UBE2E2: variants seen among roughly 807,000 people sequenced by gnomAD.
The protein encoded by UBE2E2 is ubiquitin-conjugating enzyme E2 E2.
UBE2E2 carries 6 observed loss-of-function variants against 24.7 expected under a neutral mutation model. The observed-to-expected ratio is 0.24, with a 90% confidence interval of 0.13 to 0.48. The LOEUF is 0.48. UBE2E2 is among the 20% of genes least tolerant of loss of function. The probability of loss-of-function intolerance (pLI) is 0.99; values close to 1 mark genes in which losing one functional copy is unlikely to be tolerated. For synonymous variants in UBE2E2, 104 were observed against 83.6 expected, an observed-to-expected ratio of 1.24 and a Z score of -1.33; for missense variants, 169 against 245.0, an observed-to-expected ratio of 0.69 and a Z score of 2.07.
intron 3 of UBE2E2, among the ~76,000 whole-genome samples, chr3:23,338,744 G>T (rs1478762744): frequency 1.3e-5 from 2 of 152,088 alleles, no homozygotes; most frequent in East Asian, 3.9e-4. Flanking sequence ...TATAATAATG[G>T]GCCATAACCC....
intron 3 of UBE2E2, among the ~76,000 whole-genome samples, chr3:23,321,404 G>A (rs750229967): frequency 4.6e-5 from 7 of 152,026 alleles, no homozygotes; most frequent in African/African-American, 1.7e-4. Flanking sequence ...TCCAACTCCC[G>A]GCATCTAGTA....
At chr3:23,502,329 G>A (rs1699742416) in intron 4 of UBE2E2, among the ~76,000 whole-genome samples, 3 of 151,666 alleles carry the variant, frequency 2.0e-5, no homozygotes, top group African/African-American at 7.3e-5. Context: ...GTGTCAGGGG[G>A]AATTACTTAT....
intron 3 of UBE2E2, among the ~76,000 whole-genome samples, chr3:23,402,461 C>G (rs975963349): frequency 6.6e-6 from 1 of 152,166 alleles, no homozygotes; most frequent in Non-Finnish European, 1.5e-5. Context: ...TTCCCAAAAA[C>G]TAGTACTAGA....
At chr3:23,553,844 A>G (rs1423745714) in intron 5 of UBE2E2, among the ~76,000 whole-genome samples, 1 of 152,188 alleles carries the variant, frequency 6.6e-6, no homozygotes, top group Non-Finnish European at 1.5e-5. Flanking sequence ...TTAACCAAGG[A>G]GATAAAAGAC....
intron 3 of UBE2E2, among the ~76,000 whole-genome samples, chr3:23,299,731 G>C (rs1393804647): frequency 6.6e-6 from 1 of 152,170 alleles, no homozygotes; most frequent in Non-Finnish European, 1.5e-5. Context: ...GAGTAGGTGT[G>C]GTGTGGTGCT....
At chr3:23,493,162 G>A (rs1699535419) in intron 3 of UBE2E2, among the ~76,000 whole-genome samples, 1 of 152,148 alleles carries the variant, frequency 6.6e-6, no homozygotes, top group Non-Finnish European at 1.5e-5. Context: ...CAAAGTCAGT[G>A]TTAAGTGAAA....
intron 4 of UBE2E2, among the ~76,000 whole-genome samples, chr3:23,521,383 G>C (rs984548966): frequency 2.6e-5 from 4 of 152,210 alleles, no homozygotes; most frequent in African/African-American, 9.7e-5. Context: ...TATCTCAGCT[G>C]TTGTGCTTCC....
chr3:23,295,659 C>G (rs892711755), intron 3 of UBE2E2, among the ~76,000 whole-genome samples: 8 of 152,112 alleles, frequency 5.3e-5, no homozygotes, highest in African/African-American at 1.9e-4. Context: ...AATACCTACA[C>G]GAGAGGGAGT....
intron 3 of UBE2E2, among the ~76,000 whole-genome samples, chr3:23,429,872 C>T (rs1698015896): frequency 6.6e-6 from 1 of 152,084 alleles, no homozygotes; most frequent in Non-Finnish European, 1.5e-5. Flanking sequence ...TATATACCAG[C>T]AACAAAAAAG....
At chr3:23,403,193 C>T (rs574698828) in intron 3 of UBE2E2, among the ~76,000 whole-genome samples, 1 of 152,326 alleles carries the variant, frequency 6.6e-6, no homozygotes, top group East Asian at 1.9e-4. Flanking sequence ...ACCACTAGTA[C>T]TTTGCAATAC....
chr3:23,328,885 C>T (rs761155714), intron 3 of UBE2E2, among the ~76,000 whole-genome samples: 2 of 152,120 alleles, frequency 1.3e-5, no homozygotes, highest in Non-Finnish European at 2.9e-5. Flanking sequence ...TGGTCTCGAA[C>T]GCCTGACCTC....
intron 3 of UBE2E2, among the ~76,000 whole-genome samples, chr3:23,233,175 T>C (rs1349513715): frequency 6.6e-6 from 1 of 152,070 alleles, no homozygotes; most frequent in African/African-American, 2.4e-5. Flanking sequence ...GTTTAGAAAA[T>C]GTGAGAAAGT....
intron 3 of UBE2E2, among the ~76,000 whole-genome samples, chr3:23,478,278 A>T (rs2125439784): frequency 6.6e-6 from 1 of 152,212 alleles, no homozygotes; most frequent in East Asian, 1.9e-4. Context: ...TAGACTGTAA[A>T]AGACAGGCAA....
At chr3:23,325,772 C>T (rs374807831) in intron 3 of UBE2E2, among the ~76,000 whole-genome samples, 4 of 152,198 alleles carry the variant, frequency 2.6e-5, no homozygotes, top group Non-Finnish European at 5.9e-5. Flanking sequence ...CACTGACCTT[C>T]GGTCTAGTAG....
At position 23,208,761 on chromosome 3, in the gene UBE2E2, G is replaced by A. The variant is rs1480523422; in HGVS notation, c.62G>A (p.Gly21Glu). The change falls in exon 2 of 6, where the codon GGA becomes GAA. Residue 21 changes from glycine to glutamate, a missense_variant. This residue lies in a region of UBE2E2 where 64 missense variants were observed against 64.3 expected (regional missense o/e 1.00). Transcript: ENST00000396703. Reference protein sequence around the residue: ...SPSTSGGSSDGDQRESVQQEP... With the variant: ...SPSTSGGSSDEDQRESVQQEP... ...AGCACTAGTGGAGGAAGTTCCGATGGAGATCAACGTGAAAGTGTTCAGCAA... is the reference window on the plus strand; with the variant it reads ...AGCACTAGTGGAGGAAGTTCCGATGAAGATCAACGTGAAAGTGTTCAGCAA... 1 of 1,613,734 alleles carries A rather than the reference G, an allele frequency of 6.2e-7. No individual in the cohort carries two copies.
chr3:23,239,166 C>A (rs1055418220), intron 3 of UBE2E2, among the ~76,000 whole-genome samples: 4 of 152,160 alleles, frequency 2.6e-5, no homozygotes, highest in African/African-American at 9.6e-5. Flanking sequence ...TTCTCAACCT[C>A]AGTTATGATA....
In UBE2E2 at chr3:23,232,885, A is replaced by G. The variant is rs541175696; in HGVS notation, c.227+15573A>G. Among the ~76,000 whole-genome samples the G allele has an allele frequency of 5.8e-4, 89 of 152,348 alleles. No homozygotes were observed. In the South Asian group the frequency reaches 0.017, roughly 30 times the overall value. ...ATTAGAGTAGAATGATTTGAGACCAACATGCAAGTGGTGAACTGGAAGAAG... is the reference window on the plus strand; with the variant it reads ...ATTAGAGTAGAATGATTTGAGACCAGCATGCAAGTGGTGAACTGGAAGAAG... On this transcript the variant is annotated intron_variant, in intron 3 of 5. Coordinates refer to ENST00000396703, the MANE Select transcript of UBE2E2 (RefSeq NM_152653.4).
At chr3:23,255,079 CTTTTTTTTTTTTTT>C (rs202015038) in intron 3 of UBE2E2, among the ~76,000 whole-genome samples, 1 of 85,948 alleles carries the variant, frequency 1.2e-5, no homozygotes, top group African/African-American at 5.2e-5. Flanking sequence ...GAGTAACTTC[CTTTTTTTTTTTTTT>C]TTTTTTTTTT....
intron 3 of UBE2E2, among the ~76,000 whole-genome samples, chr3:23,299,832 G>A (rs1341701124): frequency 2.6e-5 from 4 of 151,924 alleles, no homozygotes; most frequent in East Asian, 1.9e-4. Context: ...CAATTCCTGG[G>A]TATCCTTGTT....
Sources: gnomAD v4.1 joint callset for allele counts (sites outside exome capture counted in the v4.1 genomes callset) on GRCh38, gnomAD v4.1.1 for gene constraint, gnomAD v4.1.1 regional missense constraint, MANE v1.5 for transcripts, NCBI Gene and HGNC (gene_info 2026-07-23, HGNC 2026-07-21) for gene names.